The following C3orf20 variants were observed in gnomAD, a reference collection of about 807,000 sequenced individuals.
The protein encoded by C3orf20 is family with sequence similarity 149 member C, also known as uncharacterized protein C3orf20.
C3orf20 carries 76 observed loss-of-function variants against 88.3 expected under a neutral mutation model. That is an observed-to-expected ratio of 0.86 (90% confidence interval 0.72 to 1.04). The LOEUF is 1.04. Among genes scored for constraint, C3orf20 ranks in the 50% least tolerant of loss-of-function variants. The probability of loss-of-function intolerance (pLI) is 0.00; values close to 1 mark genes in which losing one functional copy is unlikely to be tolerated. For missense variants in C3orf20, 1,056 were observed against 1,123.3 expected, an observed-to-expected ratio of 0.94 and a Z score of 0.86; for synonymous variants, 436 against 437.4, an observed-to-expected ratio of 1.00 and a Z score of 0.04.
At chr3:14,743,365 A>G (rs760729396) in intron 12 of C3orf20, among the ~76,000 whole-genome samples, 20 of 151,980 alleles carry the variant, frequency 1.3e-4, no homozygotes, top group Non-Finnish European at 2.8e-4. Flanking sequence ...GGTCAGGCTG[A>G]TGCAAGAGGT....
At chr3:14,686,418 C>T (rs1446918455) in intron 4 of C3orf20, among the ~76,000 whole-genome samples, 1 of 152,174 alleles carries the variant, frequency 6.6e-6, no homozygotes, top group Non-Finnish European at 1.5e-5. Flanking sequence ...ATACTGTTTT[C>T]CATAATGGCA....
chr3:14,703,403 A>G lies in C3orf20; in HGVS notation c.878+141A>G. On this transcript the variant is annotated intron_variant, in intron 6 of 16. Coordinates refer to ENST00000253697, the MANE Select transcript of C3orf20 (RefSeq NM_032137.5). ...CACCTGGGAGCGTGGGTTATGTGGT[A>G]CTCCCCACGACAGCCACAGGTGCAG... The G allele has an allele frequency of 3.7e-6, 5 of 1,340,610 alleles. No homozygotes were observed. In the South Asian group the frequency reaches 7.0e-5, roughly 19 times the overall value. 83.0% of individuals were successfully genotyped at this position (1,340,610 alleles called of 1,614,324 possible).
At chr3:14,686,559 C>G (rs1484760174) in intron 4 of C3orf20, among the ~76,000 whole-genome samples, 1 of 152,050 alleles carries the variant, frequency 6.6e-6, no homozygotes, top group African/African-American at 2.4e-5. Flanking sequence ...TCATTGTGGT[C>G]TTGATTTGCA....
chr3:14,715,543 C>T (rs2033907108), intron 9 of C3orf20, 134 bp downstream of exon 9: 2 of 1,180,526 alleles, frequency 1.7e-6, no homozygotes, highest in South Asian at 2.7e-5. Flanking sequence ...CCTGAAGGAG[C>T]TCATAATCTC....
chr3:14,764,078 C>G (rs2035634875), intron 15 of C3orf20, among the ~76,000 whole-genome samples: 1 of 152,064 alleles, frequency 6.6e-6, no homozygotes, highest in African/African-American at 2.4e-5. Flanking sequence ...CATGTACACA[C>G]ATTAGATTCC....
At chr3:14,689,133 C>G (rs2032587523) in intron 4 of C3orf20, among the ~76,000 whole-genome samples, 1 of 152,108 alleles carries the variant, frequency 6.6e-6, no homozygotes, top group East Asian at 1.9e-4. Flanking sequence ...TTTGGATTCT[C>G]TCTACACCAG....
intron 12 of C3orf20, among the ~76,000 whole-genome samples, chr3:14,746,387 T>G (rs1342010865): frequency 1.3e-5 from 2 of 152,148 alleles, no homozygotes; most frequent in Non-Finnish European, 2.9e-5. Flanking sequence ...AGTCTTAAGG[T>G]TATAGGAGGT....
At chr3:14,722,428 C>T in intron 10 of C3orf20, 2 of 455,434 alleles carry the variant, frequency 4.4e-6, no homozygotes, top group Admixed American at 2.4e-5. Context: ...CTCAAATGAA[C>T]CACCTGGGCA....
At chr3:14,725,894 A>G (rs1171562296) in intron 10 of C3orf20, among the ~76,000 whole-genome samples, 8 of 150,824 alleles carry the variant, frequency 5.3e-5, no homozygotes, top group South Asian at 2.1e-4. Context: ...AATGACCAGG[A>G]CCCAGGGCAG....
intron 12 of C3orf20, among the ~76,000 whole-genome samples, chr3:14,739,666 C>T (rs1340686848): frequency 6.6e-6 from 1 of 152,200 alleles, no homozygotes; most frequent in Non-Finnish European, 1.5e-5. Context: ...GCATCTTCTT[C>T]CAGTAGAAGG....
chr3:14,693,761 C>T (rs967504348), intron 5 of C3orf20, among the ~76,000 whole-genome samples: 24 of 152,096 alleles, frequency 1.6e-4, no homozygotes, highest in African/African-American at 4.8e-4. Flanking sequence ...GCATCCTTGT[C>T]GTGGTCCTGA....
At chr3:14,710,630 G>A (rs766811144) in intron 7 of C3orf20, among the ~76,000 whole-genome samples, 10 of 152,092 alleles carry the variant, frequency 6.6e-5, no homozygotes, top group Non-Finnish European at 1.5e-4. Flanking sequence ...TAATTTTCAT[G>A]TATTTGTGAA....
At chr3:14,746,190 T>A (rs888789640) in intron 12 of C3orf20, among the ~76,000 whole-genome samples, 7 of 152,238 alleles carry the variant, frequency 4.6e-5, no homozygotes, top group Non-Finnish European at 1.0e-4. Context: ...GTCTTTGATA[T>A]GTCCAATAAC....
chr3:14,746,990 T>C (rs1055406025), intron 12 of C3orf20, among the ~76,000 whole-genome samples: 5 of 152,226 alleles, frequency 3.3e-5, no homozygotes, highest in Non-Finnish European at 5.9e-5. Context: ...ATGGGGGAAC[T>C]GGGAACTGGG....
At chr3:14,697,818 C>T (rs933778792) in intron 5 of C3orf20, among the ~76,000 whole-genome samples, 1 of 147,638 alleles carries the variant, frequency 6.8e-6, no homozygotes, top group Non-Finnish European at 1.5e-5. Flanking sequence ...GTTTGGTTTT[C>T]TGTCCTTGTG....
At chr3:14,677,896 C>G (rs947990807) in intron 1 of C3orf20, among the ~76,000 whole-genome samples, 19 of 152,180 alleles carry the variant, frequency 1.2e-4, no homozygotes, top group African/African-American at 4.3e-4. Flanking sequence ...CATATCCACT[C>G]ACCCCACCAC....
chr3:14,742,146 C>T (rs568485025), intron 12 of C3orf20, among the ~76,000 whole-genome samples: 43 of 152,124 alleles, frequency 2.8e-4, no homozygotes, highest in Admixed American at 3.9e-4. Context: ...ATTGCCATTA[C>T]GTTTAATGAC....
In C3orf20 at chr3:14,704,458, G is replaced by A. The variant is rs1213948780; in HGVS notation, c.1000G>A (p.Gly334Ser). The change falls in exon 7 of 17, where the codon GGT becomes AGT. Residue 334 changes from glycine (G) to serine (S), a missense_variant. Physicochemically the swap from Gly to Ser is moderately conservative, Grantham distance 56 (BLOSUM62 0). Transcript: ENST00000253697. ...CCGCAAAGGAGACTCTCAGACCCCG[G>A]GTTTACATTACCCTCCCACTGCAGG... ...LARKGDSQTP[G>S]LHYPPTAGAQ... 6.2e-7 allele frequency: 1 copy of A among 1,614,068 alleles called. No individual in the cohort carries two copies. Among genetic ancestry groups the A allele is most frequent in the African/African-American group, 1.3e-5 (1 of 75,016 alleles).
At chr3:14,726,483 A>G (rs1190750908) in intron 10 of C3orf20, among the ~76,000 whole-genome samples, 1 of 152,232 alleles carries the variant, frequency 6.6e-6, no homozygotes, top group African/African-American at 2.4e-5. Flanking sequence ...TCACGAATGC[A>G]ATAGCATTTA....
Sources: gnomAD v4.1 joint callset for allele counts (sites outside exome capture counted in the v4.1 genomes callset) on GRCh38, gnomAD v4.1.1 for gene constraint, MANE v1.5 for transcripts, NCBI Gene and HGNC (gene_info 2026-07-23, HGNC 2026-07-21) for gene names.